Variants in CFAP96 observed in about 807,000 individuals in gnomAD.
CFAP96 encodes cilia and flagella associated protein 96.
At chr4:185,434,023 A>G in the CFAP96 span, among the ~76,000 whole-genome samples, 2 of 152,204 alleles carry the variant, frequency 1.3e-5, no homozygotes, top group African/African-American at 4.8e-5. Flanking sequence ...GTTTGTGACC[A>G]GTCTGGACAA....
the CFAP96 span, among the ~76,000 whole-genome samples, chr4:185,428,486 C>T: frequency 6.7e-6 from 1 of 149,760 alleles, no homozygotes; most frequent in African/African-American, 2.5e-5. Context: ...GCAGGAGAAT[C>T]GCTTGAACCT....
the CFAP96 span, chr4:185,415,456 G>A: frequency 1.0e-6 from 1 of 974,100 alleles, no homozygotes; most frequent in Non-Finnish European, 1.4e-6. Context: ...ATTGGACCAG[G>A]TTTGCTAAAG....
the CFAP96 span, chr4:185,445,581 C>A: frequency 8.0e-7 from 1 of 1,249,210 alleles, no homozygotes; most frequent in Non-Finnish European, 1.2e-6. Context: ...TTAAAAATGC[C>A]AACATAACTA....
At chr4:185,441,829 T>A in the CFAP96 span, among the ~76,000 whole-genome samples, 78 of 152,174 alleles carry the variant, frequency 5.1e-4, no homozygotes, top group Non-Finnish European at 8.1e-4. Context: ...ATGTTCCGTA[T>A]CTTAATTGTG....
the CFAP96 span, chr4:185,445,521 C>T: frequency 5.7e-6 from 9 of 1,576,514 alleles, no homozygotes; most frequent in Non-Finnish European, 7.8e-6. Context: ...CTTGAGAGTT[C>T]TGTCTTTAAC....
the CFAP96 span, among the ~76,000 whole-genome samples, chr4:185,424,100 G>C: frequency 0.018 from 2,763 of 149,868 alleles, 93 homozygotes; most frequent in African/African-American, 0.065. Flanking sequence ...CCAGGAGTTA[G>C]AGACCAGACT....
At chr4:185,416,575 T>C in the CFAP96 span, among the ~76,000 whole-genome samples, 4 of 152,156 alleles carry the variant, frequency 2.6e-5, no homozygotes, top group African/African-American at 9.7e-5. Flanking sequence ...GAGGTATCAA[T>C]GTGATTTACA....
At chr4:185,436,709 CAAA>C in the CFAP96 span, among the ~76,000 whole-genome samples, 1 of 37,856 alleles carries the variant, frequency 2.6e-5, no homozygotes, top group Non-Finnish European at 5.9e-5. Flanking sequence ...GACTCCGTCT[CAAA>C]AATAATAATA....
chr4:185,443,342 A>ATTTATTTT, the CFAP96 span, among the ~76,000 whole-genome samples: 1 of 26,730 alleles, frequency 3.7e-5, no homozygotes, highest in Non-Finnish European at 7.4e-5. Flanking sequence ...ATATATATAT[A>ATTTATTTT]TTTTTTTTTT....
the CFAP96 span, among the ~76,000 whole-genome samples, chr4:185,448,744 C>T: frequency 6.6e-6 from 1 of 152,158 alleles, no homozygotes. Context: ...GAATTTTCCT[C>T]ACCACACCCA....
the CFAP96 span, among the ~76,000 whole-genome samples, chr4:185,431,750 C>CA: frequency 6.6e-6 from 1 of 152,206 alleles, no homozygotes; most frequent in African/African-American, 2.4e-5. Flanking sequence ...CTCTAAAACT[C>CA]AGAGTGTATA....
the CFAP96 span, among the ~76,000 whole-genome samples, chr4:185,428,666 G>A: frequency 6.6e-6 from 1 of 152,036 alleles, no homozygotes. Flanking sequence ...TGTTTGAAGT[G>A]GTCATTTCCA....
chr4:185,436,160 G>A, the CFAP96 span: 147 of 1,550,560 alleles, frequency 9.5e-5, no homozygotes, highest in African/African-American at 1.6e-3. Context: ...ACACAAACCC[G>A]GGAAAGAAAG....
At chr4:185,435,103 C>T in the CFAP96 span, among the ~76,000 whole-genome samples, 1 of 152,188 alleles carries the variant, frequency 6.6e-6, no homozygotes, top group Non-Finnish European at 1.5e-5. Context: ...CGTTAAATCA[C>T]ATTTTGGGTA....
At chr4:185,438,989 C>T in the CFAP96 span, among the ~76,000 whole-genome samples, 1 of 152,130 alleles carries the variant, frequency 6.6e-6, no homozygotes, top group African/African-American at 2.4e-5. Flanking sequence ...CGTCTGCTGA[C>T]CAGTACTCAA....
the CFAP96 span, chr4:185,440,684 T>C: frequency 1.3e-6 from 2 of 1,495,280 alleles, no homozygotes; most frequent in Non-Finnish European, 9.1e-7. Context: ...GAAAACAATT[T>C]CAAATACTTT....
the CFAP96 span, among the ~76,000 whole-genome samples, chr4:185,445,789 A>C: frequency 6.6e-6 from 1 of 152,204 alleles, no homozygotes; most frequent in Non-Finnish European, 1.5e-5. Context: ...TTATAATACT[A>C]ACATTAGTAT....
At chr4:185,429,381 G>A in the CFAP96 span, 179 of 1,358,544 alleles carry the variant, frequency 1.3e-4, no homozygotes, top group Non-Finnish European at 1.7e-4. Context: ...TGAAGTTAGC[G>A]GTATAGAGAG....
chr4:185,418,609 T>C, the CFAP96 span: 1 of 1,613,496 alleles, frequency 6.2e-7, no homozygotes, highest in South Asian at 1.1e-5. Context: ...AGTATGTTCT[T>C]ACAAGCAGAA....
Sources: gnomAD v4.1 joint callset for allele counts (sites outside exome capture counted in the v4.1 genomes callset) on GRCh38, gnomAD v4.1.1 for gene constraint, MANE v1.5 for transcripts, NCBI Gene and HGNC (gene_info 2026-07-23, HGNC 2026-07-21) for gene names.